ENTPD5: variants seen among roughly 807,000 people sequenced by gnomAD.
ENTPD5 encodes nucleoside diphosphate phosphatase ENTPD5.
Under a neutral mutation model 60.2 loss-of-function variants are expected in ENTPD5, and 49 were observed. That is an observed-to-expected ratio of 0.81 (90% CI 0.65 to 1.03). The LOEUF (loss-of-function observed/expected upper bound fraction) is 1.03, where lower values mean the gene tolerates loss of function less well. Among genes scored for constraint, ENTPD5 ranks in the 50% least tolerant of loss-of-function variants. ENTPD5 has a pLI of 0.00. For missense variants in ENTPD5, 480 were observed against 507.6 expected, an observed-to-expected ratio of 0.95 and a Z score of 0.52; for synonymous variants, 187 against 185.4, an observed-to-expected ratio of 1.01 and a Z score of -0.07.
chr14:74,013,463 A>G (rs2058909338), intron 2 of ENTPD5, among the ~76,000 whole-genome samples: 1 of 152,112 alleles, frequency 6.6e-6, no homozygotes, highest in Non-Finnish European at 1.5e-5. Flanking sequence ...AAATTTGTAA[A>G]CTTTCTTAAA....
chr14:73,989,616 C>G (rs1313513557), intron 3 of ENTPD5, among the ~76,000 whole-genome samples: 1 of 148,928 alleles, frequency 6.7e-6, no homozygotes, highest in African/African-American at 2.5e-5. Context: ...GGCGGATCAC[C>G]TGAGGTCAGG....
At chr14:73,958,797 C>T, downstream of ENTPD5, 1 of 1,511,194 alleles carries the variant, frequency 6.6e-7, no homozygotes, top group East Asian at 2.5e-5. Flanking sequence ...TTGGCTGAGG[C>T]TGATGTGACA....
At chr14:73,996,245 T>C (rs751878488) in intron 3 of ENTPD5, 3 of 965,222 alleles carry the variant, frequency 3.1e-6, no homozygotes, top group African/African-American at 1.8e-5. Flanking sequence ...CAACTAACAG[T>C]GTGGCATTTT....
chr14:73,972,833 C>A (rs1219105923), intron 13 of ENTPD5, 51 bp downstream of exon 13: 1 of 1,600,940 alleles, frequency 6.2e-7, no homozygotes, highest in African/African-American at 1.3e-5. Context: ...ACCTTCCCCA[C>A]CACAGCCCTA....
At chr14:73,958,278 G>A, downstream of ENTPD5, 1 of 1,614,040 alleles carries the variant, frequency 6.2e-7, no homozygotes, top group African/African-American at 1.3e-5. Flanking sequence ...CAAATTGTTG[G>A]TAGTTGAAGA....
rs772781399 is a variant in ENTPD5, at chr14:73,972,874, G to A, written c.1027+10C>T. The A allele has an allele frequency of 1.2e-6, 2 of 1,613,678 alleles. No individual in the cohort carries two copies. The highest frequency in any genetic ancestry group is 2.2e-5 in the East Asian group (1 of 44,872). ...CTTCCTCTCTGGACTGACACCTGGG[G>A]TGAACTCACCAATCATGTCTGTGTC... On this transcript the variant is annotated intron_variant, in intron 13 of 15. Coordinates refer to ENST00000334696, the MANE Select transcript of ENTPD5 (RefSeq NM_001249.5).
At chr14:73,974,406 A>G (rs1566716831) in intron 11 of ENTPD5, among the ~76,000 whole-genome samples, 3 of 152,344 alleles carry the variant, frequency 2.0e-5, no homozygotes, top group East Asian at 1.9e-4. Context: ...TGTCATCCCA[A>G]TAACAGATTA....
At chr14:73,983,259 G>A (rs2057765629) in intron 5 of ENTPD5, 98 bp from the exon 6 acceptor site, 6 of 1,278,642 alleles carry the variant, frequency 4.7e-6, no homozygotes, top group East Asian at 4.8e-5. Context: ...AGAAGAGGGA[G>A]GTGGCATAGG....
chr14:73,986,489 C>G (rs1167851972), intron 5 of ENTPD5: 5 of 249,260 alleles, frequency 2.0e-5, no homozygotes, highest in Non-Finnish European at 3.9e-5. Context: ...TACAGAACTT[C>G]ATGTTTATCT....
rs142820806 is a variant in ENTPD5 at position 73,996,943 on chromosome 14, A to G, written c.-70-8771T>C. Among the ~76,000 whole-genome samples, 64 of 152,278 alleles carry G rather than the reference A, an allele frequency of 4.2e-4. 1 individual carries two copies. Among genetic ancestry groups the G allele is most frequent in the African/African-American group, 1.4e-3 (60 of 41,538 alleles). The stretch of plus-strand genomic sequence containing the variant: ...GGCTACAGAGCAAGAACCTGTCTCA[A>G]AAAACAAACTAACAAAACCCAGACA... On this transcript the variant is annotated intron_variant, in intron 3 of 15. Transcript: ENST00000334696.
downstream of ENTPD5, chr14:73,961,521 C>T: frequency 6.2e-7 from 1 of 1,614,148 alleles, no homozygotes; most frequent in East Asian, 2.2e-5. Flanking sequence ...GGGATATCTC[C>T]AGCTTGGCCC....
intron 14 of ENTPD5, among the ~76,000 whole-genome samples, chr14:73,971,253 G>A (rs140877460): frequency 0.084 from 12,774 of 151,642 alleles, 876 homozygotes; most frequent in East Asian, 0.32. Context: ...TGCCTCCCAG[G>A]TTCAAGCGAT....
chr14:74,005,289 A>G (rs2058639582), intron 3 of ENTPD5, among the ~76,000 whole-genome samples: 1 of 125,094 alleles, frequency 8.0e-6, no homozygotes, highest in Non-Finnish European at 1.7e-5. Context: ...AAAGAAAAAA[A>G]GAAAAAAAGA....
At chr14:74,018,310 G>C (rs1485563182) in intron 1 of ENTPD5, among the ~76,000 whole-genome samples, 1 of 152,156 alleles carries the variant, frequency 6.6e-6, no homozygotes, top group Non-Finnish European at 1.5e-5. Flanking sequence ...AGAGGTCAAA[G>C]ACATCGGGAA....
At chr14:73,996,157 CT>C (rs2140738731) in intron 3 of ENTPD5, 2 of 985,352 alleles carry the variant, frequency 2.0e-6, no homozygotes, top group East Asian at 1.1e-4. Flanking sequence ...TGCAGGTTGC[CT>C]TTTGCTCTTT....
At chr14:73,962,035 C>G (rs2056762025), downstream of ENTPD5, 1 of 1,053,126 alleles carries the variant, frequency 9.5e-7, no homozygotes, top group Non-Finnish European at 1.4e-6. Context: ...GCAGCCTCTG[C>G]CTCCCAGGTT....
intron 12 of ENTPD5, 37 bp downstream of exon 12, chr14:73,973,840 T>C: frequency 6.4e-7 from 1 of 1,571,284 alleles, no homozygotes; most frequent in Non-Finnish European, 8.8e-7. Flanking sequence ...GCTTCCATTG[T>C]AAACGTAACT....
intron 3 of ENTPD5, among the ~76,000 whole-genome samples, chr14:73,991,625 A>AAAAAACAAAAAAAAAAAAAAAAAAAAAAG (rs56259684): frequency 2.3e-5 from 3 of 127,968 alleles, no homozygotes; most frequent in Non-Finnish European, 4.9e-5. Flanking sequence ...AAAAAAAAAA[A>AAAAAACAAAAAAAAAAAAAAAAAAAAAAG]ACAATTAGGG....
chr14:73,984,891 C>T (rs1325275868), intron 5 of ENTPD5, among the ~76,000 whole-genome samples: 1 of 152,108 alleles, frequency 6.6e-6, no homozygotes. Flanking sequence ...AATGCTTTCC[C>T]TCCCTGCTCC....
Sources: gnomAD v4.1 joint callset for allele counts (sites outside exome capture counted in the v4.1 genomes callset) on GRCh38, gnomAD v4.1.1 for gene constraint, MANE v1.5 for transcripts, NCBI Gene and HGNC (gene_info 2026-07-23, HGNC 2026-07-21) for gene names.